Variants in KALRN observed in about 807,000 individuals in gnomAD.
KALRN encodes kalirin RhoGEF kinase.
In KALRN, 70 loss-of-function variants were observed where a neutral mutation model predicts 353.7. The observed-to-expected ratio is 0.20, with a 90% CI of 0.16 to 0.24. The LOEUF (loss-of-function observed/expected upper bound fraction) is 0.24. KALRN is among the 10% of genes least tolerant of loss of function. The pLI is 1.00. For synonymous variants in KALRN, 1,391 were observed against 1,434.8 expected (o/e 0.97, Z 0.69); for missense variants, 2,791 against 3,756.7 (o/e 0.74, Z 6.72).
chr3:124,311,030 A>G (rs952054151), intron 6 of KALRN, among the ~76,000 whole-genome samples: 2 of 149,538 alleles, frequency 1.3e-5, no homozygotes, highest in Non-Finnish European at 3.0e-5. Context: ...GTCATCAGGG[A>G]AACGTAAATC....
intron 1 of KALRN, among the ~76,000 whole-genome samples, chr3:124,079,635 T>C (rs1039712282): frequency 1.3e-5 from 2 of 152,234 alleles, no homozygotes; most frequent in African/African-American, 4.8e-5. Context: ...AACATAGAGT[T>C]GTTGGAGATA....
chr3:124,554,037 G>A (rs373878802), intron 33 of KALRN, among the ~76,000 whole-genome samples: 4 of 152,370 alleles, frequency 2.6e-5, no homozygotes, highest in East Asian at 3.9e-4. Flanking sequence ...GTTCTCTGAA[G>A]CCTAGGCAGG....
At chr3:124,468,266 C>G (rs1270358546) in intron 25 of KALRN, among the ~76,000 whole-genome samples, 2 of 152,162 alleles carry the variant, frequency 1.3e-5, no homozygotes, top group Admixed American at 1.3e-4. Context: ...TTGTGTTAGG[C>G]TCTATTTCTT....
intron 34 of KALRN, among the ~76,000 whole-genome samples, chr3:124,594,069 G>A (rs1026056653): frequency 1.3e-5 from 2 of 152,274 alleles, no homozygotes; most frequent in South Asian, 2.1e-4. Context: ...GACCAAAATA[G>A]CATAATCCTA....
chr3:124,525,541 C>T lies in KALRN; in HGVS notation c.4935+29128C>T, dbSNP rs553423085. ...TTTTATTGGTATGGCACTGTCACTC[C>T]GAGAGTGACCTGTAAGGATAGCACT... On this transcript the variant is annotated intron_variant, in intron 33 of 59. Coordinates refer to ENST00000682506, the MANE Select transcript of KALRN (RefSeq NM_001388419.1). Among the ~76,000 whole-genome samples, 8 of 152,162 alleles carry T rather than the reference C, an allele frequency of 5.3e-5. No homozygotes were observed. The East Asian group carries it at 5.8e-4, about 11-fold the overall frequency.
At chr3:124,291,857 C>A (rs1481392779) in intron 5 of KALRN, among the ~76,000 whole-genome samples, 2 of 152,100 alleles carry the variant, frequency 1.3e-5, no homozygotes. Flanking sequence ...AACTGACATG[C>A]CAAAAACACG....
At chr3:124,425,585 A>G (rs2092977006) in intron 15 of KALRN, among the ~76,000 whole-genome samples, 2 of 152,182 alleles carry the variant, frequency 1.3e-5, no homozygotes, top group East Asian at 1.9e-4. Flanking sequence ...GGTTATTTCC[A>G]TCAGTGGAAG....
chr3:124,563,418 G>T (rs1165729116), intron 34 of KALRN, among the ~76,000 whole-genome samples: 1 of 152,080 alleles, frequency 6.6e-6, no homozygotes, highest in African/African-American at 2.4e-5. Context: ...TCTACCTTTG[G>T]CCAAATATGG....
At chr3:124,486,681 A>G (rs1037899408) in intron 28 of KALRN, among the ~76,000 whole-genome samples, 4 of 152,250 alleles carry the variant, frequency 2.6e-5, no homozygotes, top group African/African-American at 9.6e-5. Flanking sequence ...CAGAGGTGAC[A>G]CAGGAAAGGG....
In KALRN at chr3:124,637,267, T is replaced by A. The variant is rs765976453; in HGVS notation, c.5628T>A (p.Leu1876=). 22 of 1,614,046 alleles carry A rather than the reference T, an allele frequency of 1.4e-5. No homozygotes were observed. The highest frequency in any genetic ancestry group is 1.9e-5 in the Non-Finnish European group (22 of 1,180,018). Residue 1876 remains leucine, a synonymous_variant, in exon 37 of 60, where the codon CTT becomes CTA. Coordinates refer to ENST00000682506, the MANE Select transcript of KALRN (RefSeq NM_001388419.1). ...CTGAAGTACCTACTGCTGCAGACCT[T>A]GTCAATGCAATAGAAAAGTTGGTCA... ...ASTEVPTAAD[L]VNAIEKLVKN...
At position 124,725,022 on chromosome 3, in the gene KALRN, G is replaced by C. The variant is rs1417282458; in HGVS notation, c.*5552G>C. On this transcript the variant is annotated 3_prime_UTR_variant, in exon 60 of 60. Transcript: ENST00000682506. ...GAGGTTAGCTGAGAAAAGGAAGCAT[G>C]GTAGAAGAAATGCAAATAACAATTC... The C allele has an allele frequency of 6.6e-6, 1 of 152,204 alleles. No homozygotes were observed. The highest frequency in any genetic ancestry group is 1.5e-5 in the Non-Finnish European group (1 of 68,038). The allele number at this position is 152,204 out of a possible 1,614,324, so 9.4% of individuals were successfully genotyped here.
intron 51 of KALRN, among the ~76,000 whole-genome samples, chr3:124,690,548 G>A (rs1244627342): frequency 2.0e-5 from 3 of 152,142 alleles, no homozygotes; most frequent in Non-Finnish European, 4.4e-5. Context: ...GGCCTTTGAT[G>A]TCAATGACAA....
chr3:124,040,542 A>T (rs1356134537), intron 1 of KALRN, among the ~76,000 whole-genome samples: 2 of 152,228 alleles, frequency 1.3e-5, no homozygotes, highest in African/African-American at 4.8e-5. Context: ...ACAAATAATT[A>T]TCCAGCTCCA....
chr3:124,677,846 C>T (rs1029741865), intron 49 of KALRN, among the ~76,000 whole-genome samples: 25 of 152,336 alleles, frequency 1.6e-4, no homozygotes, highest in Middle Eastern at 3.4e-3. Context: ...ACCCATCCAC[C>T]GTGCCCTTCT....
intron 6 of KALRN, among the ~76,000 whole-genome samples, chr3:124,313,279 C>T (rs1252140531): frequency 2.6e-5 from 4 of 152,172 alleles, no homozygotes; most frequent in African/African-American, 9.7e-5. Flanking sequence ...AGCAAACCCC[C>T]ACCCCCTGAC....
At chr3:124,302,409 G>A (rs1305553518) in intron 6 of KALRN, among the ~76,000 whole-genome samples, 2 of 152,174 alleles carry the variant, frequency 1.3e-5, no homozygotes, top group South Asian at 4.1e-4. Flanking sequence ...TCAACCATCT[G>A]CATTGACTTA....
intron 33 of KALRN, among the ~76,000 whole-genome samples, chr3:124,504,306 A>G (rs912104451): frequency 3.9e-5 from 6 of 152,176 alleles, no homozygotes; most frequent in Non-Finnish European, 8.8e-5. Context: ...TTTAAAAAAA[A>G]AAAGTGACTT....
At chr3:124,395,368 T>G in intron 12 of KALRN, 25 bp downstream of exon 12, 1 of 1,584,440 alleles carries the variant, frequency 6.3e-7, no homozygotes, top group South Asian at 1.1e-5. Context: ...AGCTTTCCAG[T>G]GGGAAATGCC....
At chr3:124,590,338 A>G (rs1046735231) in intron 34 of KALRN, among the ~76,000 whole-genome samples, 1 of 152,228 alleles carries the variant, frequency 6.6e-6, no homozygotes, top group African/African-American at 2.4e-5. Flanking sequence ...CTGCATGCCC[A>G]ACAATCACTG....
Sources: gnomAD v4.1 joint callset for allele counts (sites outside exome capture counted in the v4.1 genomes callset) on GRCh38, gnomAD v4.1.1 for gene constraint, MANE v1.5 for transcripts, NCBI Gene and HGNC (gene_info 2026-07-23, HGNC 2026-07-21) for gene names.